Variants in KCNQ5 observed in about 807,000 individuals in gnomAD.
KCNQ5 encodes potassium voltage-gated channel subfamily Q member 5.
KCNQ5 carries 30 observed loss-of-function variants against 98.2 expected under a neutral mutation model. That is an observed-to-expected ratio of 0.31 (90% CI 0.23 to 0.41). The LOEUF is 0.41. Among genes scored for constraint, KCNQ5 ranks in the 10% least tolerant of loss-of-function variants. KCNQ5 has a pLI of 1.00. For missense variants in KCNQ5, 835 were observed against 1,182.5 expected (o/e 0.71, Z 4.31); for synonymous variants, 458 against 449.4 (o/e 1.02, Z -0.24).
intron 3 of KCNQ5, among the ~76,000 whole-genome samples, chr6:73,045,065 C>T (rs558325406): frequency 6.6e-6 from 1 of 152,216 alleles, no homozygotes; most frequent in East Asian, 1.9e-4. Flanking sequence ...TACTATTGCA[C>T]CCTATTGACA....
At chr6:72,948,683 T>A (rs185149259) in intron 1 of KCNQ5, among the ~76,000 whole-genome samples, 16 of 152,296 alleles carry the variant, frequency 1.1e-4, no homozygotes, top group African/African-American at 3.6e-4. Flanking sequence ...GTATTTAGGT[T>A]ATTTGTTGTA....
rs916721906 is a variant in KCNQ5, at chr6:73,197,581, A to G, written c.*2167A>G. On this transcript the variant is annotated 3_prime_UTR_variant, in exon 14 of 14. Transcript: ENST00000370398. ...ATTCCCCCTTGCAAGAATGTTGCAT[A>G]CACACACACACACACACACACACAC... 4.4e-5 allele frequency: 1 copy of G among 22,496 alleles called. No homozygotes were observed. Among genetic ancestry groups the G allele is most frequent in the Non-Finnish European group, 1.2e-4 (1 of 8,316 alleles). 1.4% of individuals were successfully genotyped at this position (22,496 alleles called of 1,614,324 possible).
At chr6:73,091,412 G>T (rs1774241945) in intron 5 of KCNQ5, among the ~76,000 whole-genome samples, 1 of 152,088 alleles carries the variant, frequency 6.6e-6, no homozygotes, top group Non-Finnish European at 1.5e-5. Flanking sequence ...TATTGCACAT[G>T]TATACCTAGG....
At chr6:73,159,745 A>C (rs1434779090) in intron 10 of KCNQ5, among the ~76,000 whole-genome samples, 1 of 152,168 alleles carries the variant, frequency 6.6e-6, no homozygotes, top group Admixed American at 6.5e-5. Context: ...TTGTACATAT[A>C]TATTTTGAAT....
chr6:72,711,013 A>G (rs146166221), intron 1 of KCNQ5, among the ~76,000 whole-genome samples: 1 of 152,274 alleles, frequency 6.6e-6, no homozygotes, highest in African/African-American at 2.4e-5. Flanking sequence ...GTAGGAAGCT[A>G]GAAATCAATA....
chr6:73,150,811 G>A (rs1777117996), intron 10 of KCNQ5, among the ~76,000 whole-genome samples: 1 of 105,020 alleles, frequency 9.5e-6, no homozygotes, highest in Admixed American at 1.2e-4. Context: ...TTAATGTAGT[G>A]TGGGAAGTGT....
chr6:73,169,504 T>C (rs1777925999), intron 10 of KCNQ5, among the ~76,000 whole-genome samples: 1 of 152,188 alleles, frequency 6.6e-6, no homozygotes, highest in East Asian at 1.9e-4. Context: ...GGAAAGATAA[T>C]GTGTCGATAG....
At chr6:73,163,201 C>T (rs117197706) in intron 10 of KCNQ5, among the ~76,000 whole-genome samples, 235 of 151,826 alleles carry the variant, frequency 1.5e-3, no homozygotes, top group Non-Finnish European at 2.2e-3. Flanking sequence ...CCAGCCTGGG[C>T]AACATAACAA....
intron 1 of KCNQ5, among the ~76,000 whole-genome samples, chr6:72,647,081 C>G (rs1765627229): frequency 6.6e-6 from 1 of 152,214 alleles, no homozygotes; most frequent in African/African-American, 2.4e-5. Context: ...CACCATTATG[C>G]ATATTCATTC....
chr6:73,114,329 G>A (rs1348767133), intron 7 of KCNQ5, among the ~76,000 whole-genome samples: 2 of 152,164 alleles, frequency 1.3e-5, no homozygotes, highest in African/African-American at 2.4e-5. Context: ...TTTTAGGCCA[G>A]AGTCACTATC....
intron 10 of KCNQ5, among the ~76,000 whole-genome samples, chr6:73,147,087 TC>T (rs895281755): frequency 6.6e-6 from 1 of 151,988 alleles, no homozygotes; most frequent in Non-Finnish European, 1.5e-5. Flanking sequence ...AAATCCTAGT[TC>T]CCCCACTAGG....
At chr6:72,831,730 T>TA (rs368679622) in intron 1 of KCNQ5, among the ~76,000 whole-genome samples, 13 of 139,042 alleles carry the variant, frequency 9.3e-5, no homozygotes, top group East Asian at 8.5e-4. Flanking sequence ...AAGTATAATT[T>TA]AAAAAAAAAA....
intron 1 of KCNQ5, among the ~76,000 whole-genome samples, chr6:72,968,496 A>T (rs1260683907): frequency 6.6e-6 from 1 of 152,060 alleles, no homozygotes; most frequent in African/African-American, 2.4e-5. Context: ...AATTCAGATT[A>T]TATCTCCCAA....
At chr6:72,827,908 G>A (rs1472044215) in intron 1 of KCNQ5, among the ~76,000 whole-genome samples, 2 of 152,002 alleles carry the variant, frequency 1.3e-5, no homozygotes, top group Non-Finnish European at 2.9e-5. Flanking sequence ...TTTTTATATA[G>A]GGTAAGAGGT....
chr6:73,178,636 T>A (rs541678851), intron 11 of KCNQ5, among the ~76,000 whole-genome samples: 1 of 151,978 alleles, frequency 6.6e-6, no homozygotes, highest in African/African-American at 2.4e-5. Context: ...TGGAGCTAAT[T>A]TACATTTCTC....
chr6:73,027,794 G>A (rs896945784), intron 2 of KCNQ5, among the ~76,000 whole-genome samples: 1 of 152,134 alleles, frequency 6.6e-6, no homozygotes, highest in African/African-American at 2.4e-5. Flanking sequence ...TGAATTAATG[G>A]AGTCTGAATA....
At chr6:72,962,055 G>A (rs1484830528) in intron 1 of KCNQ5, among the ~76,000 whole-genome samples, 1 of 151,660 alleles carries the variant, frequency 6.6e-6, no homozygotes, top group Non-Finnish European at 1.5e-5. Flanking sequence ...GTGTGCACCT[G>A]TAGTCCCAGC....
intron 1 of KCNQ5, among the ~76,000 whole-genome samples, chr6:72,760,671 C>T (rs780007771): frequency 1.3e-5 from 2 of 151,988 alleles, no homozygotes; most frequent in African/African-American, 2.4e-5. Context: ...CTAGAAGGGG[C>T]GGGTATTATT....
chr6:73,179,005 G>A (rs1381291020), intron 11 of KCNQ5, among the ~76,000 whole-genome samples: 1 of 152,166 alleles, frequency 6.6e-6, no homozygotes, highest in East Asian at 1.9e-4. Flanking sequence ...TGCCTCAGGG[G>A]AAATTCTGTG....
Sources: allele counts gnomAD v4.1 joint callset (sites outside exome capture counted in the v4.1 genomes callset), GRCh38; gene constraint gnomAD v4.1.1; transcripts MANE v1.5; gene names NCBI Gene and HGNC (gene_info 2026-07-23, HGNC 2026-07-21).